Variants in LRRTM4 observed in about 807,000 individuals in gnomAD.
The protein encoded by LRRTM4 is leucine-rich repeat transmembrane neuronal protein 4.
Under a neutral mutation model 47.6 loss-of-function variants are expected in LRRTM4, and 25 were observed. The ratio of observed to expected loss-of-function variants is 0.53; its 90% CI spans 0.38 to 0.73. The LOEUF (loss-of-function observed/expected upper bound fraction) is 0.73, where lower values mean the gene tolerates loss of function less well. Among genes scored for constraint, LRRTM4 ranks in the 30% least tolerant of loss-of-function variants. The pLI is 0.00. For synonymous variants in LRRTM4, 311 were observed against 269.5 expected (o/e 1.15, Z -1.51); for missense variants, 638 against 713.4 (o/e 0.89, Z 1.20).
chr2:77,460,731 T>C (rs556795700), intron 3 of LRRTM4, among the ~76,000 whole-genome samples: 2 of 152,280 alleles, frequency 1.3e-5, no homozygotes, highest in African/African-American at 4.8e-5. Context: ...TAATTCATTT[T>C]GCATGTCTTA....
Position 76,974,151 on chromosome 2 carries a change from C to T in LRRTM4, c.1552-225235G>A, listed in dbSNP as rs1280521062. ...TTGCTCATATATATACATATATATA[C>T]ATACATATATATATATACATACATA... On this transcript the variant is annotated intron_variant, in intron 3 of 3. Coordinates refer to ENST00000409884, the MANE Select transcript of LRRTM4 (RefSeq NM_001134745.3). Among the ~76,000 whole-genome samples, 352 of 133,626 alleles carry T rather than the reference C, an allele frequency of 2.6e-3. 7 individuals are homozygous for T. Among genetic ancestry groups the T allele is most frequent in the Middle Eastern group, 8.1e-3 (2 of 246 alleles). 87.7% of individuals were successfully genotyped at this position (133,626 alleles called of 152,430 possible).
intron 3 of LRRTM4, among the ~76,000 whole-genome samples, chr2:76,925,041 G>A (rs945486856): frequency 9.9e-5 from 15 of 151,948 alleles, no homozygotes; most frequent in African/African-American, 2.2e-4. Context: ...ATGGAGAGTC[G>A]ATGGGCTGCC....
Position 77,010,437 on chromosome 2 carries a change from G to A in LRRTM4, c.1552-261521C>T, listed in dbSNP as rs539003262. Among the ~76,000 whole-genome samples, 5 of 150,158 alleles carry A rather than the reference G, an allele frequency of 3.3e-5. 1 individual carries two copies. The South Asian group carries it at 8.4e-4, about 25-fold the overall frequency. On this transcript the variant is annotated intron_variant, in intron 3 of 3. Transcript: ENST00000409884. The stretch of plus-strand genomic sequence containing the variant: ...CACTTAGCATAATGTCTTCCTGGTT[G>A]ATCCATGTTTTTTCATATGACAGAA...
chr2:77,439,142 A>G (rs1675731181), intron 3 of LRRTM4, among the ~76,000 whole-genome samples: 1 of 152,206 alleles, frequency 6.6e-6, no homozygotes, highest in Non-Finnish European at 1.5e-5. Flanking sequence ...AGCTGAAGAC[A>G]TTACCCTTTC....
chr2:77,491,925 A>G (rs1014374562), intron 3 of LRRTM4, among the ~76,000 whole-genome samples: 5 of 152,002 alleles, frequency 3.3e-5, no homozygotes, highest in Non-Finnish European at 5.9e-5. Context: ...AGGCAAGGCT[A>G]TACAGGTGAT....
intron 3 of LRRTM4, among the ~76,000 whole-genome samples, chr2:76,758,450 C>A (rs1673141465): frequency 6.6e-6 from 1 of 152,072 alleles, no homozygotes; most frequent in African/African-American, 2.4e-5. Context: ...AAATGATTAC[C>A]ATGAGTCTAA....
intron 3 of LRRTM4, among the ~76,000 whole-genome samples, chr2:77,095,302 T>A (rs939656212): frequency 6.6e-6 from 1 of 152,068 alleles, no homozygotes; most frequent in African/African-American, 2.4e-5. Flanking sequence ...ATCTTCTCGT[T>A]GAGAATGTAA....
chr2:76,765,894 G>A (rs900482308), intron 3 of LRRTM4, among the ~76,000 whole-genome samples: 11 of 152,202 alleles, frequency 7.2e-5, no homozygotes, highest in Non-Finnish European at 1.5e-4. Flanking sequence ...AGCTGATGAA[G>A]CATTTTGTGA....
chr2:76,916,791 A>G (rs1674267967), intron 3 of LRRTM4, among the ~76,000 whole-genome samples: 1 of 152,336 alleles, frequency 6.6e-6, no homozygotes, highest in South Asian at 2.1e-4. Context: ...TTTTAGAACT[A>G]TCTTTAATAT....
At chr2:77,169,341 A>T (rs1672981256) in intron 3 of LRRTM4, among the ~76,000 whole-genome samples, 1 of 152,128 alleles carries the variant, frequency 6.6e-6, no homozygotes, top group South Asian at 2.1e-4. Context: ...GAACATTTCT[A>T]TTTTTGAATT....
chr2:77,418,860 G>A (rs1008860128), intron 3 of LRRTM4, among the ~76,000 whole-genome samples: 3 of 151,976 alleles, frequency 2.0e-5, no homozygotes, highest in African/African-American at 7.2e-5. Flanking sequence ...CTTCTCCTCT[G>A]ACCAACTTTA....
chr2:77,511,019 C>T (rs943862124), intron 3 of LRRTM4, among the ~76,000 whole-genome samples: 1 of 151,946 alleles, frequency 6.6e-6, no homozygotes, highest in African/African-American at 2.4e-5. Context: ...TGTTTTTCCA[C>T]TTTTCTCTGA....
At chr2:76,925,378 AC>A (rs1238995373) in intron 3 of LRRTM4, among the ~76,000 whole-genome samples, 2 of 152,150 alleles carry the variant, frequency 1.3e-5, no homozygotes, top group Non-Finnish European at 2.9e-5. Flanking sequence ...CAAGCCTTTA[AC>A]AAAAATCACA....
chr2:77,292,760 A>G (rs1414467810), intron 3 of LRRTM4, among the ~76,000 whole-genome samples: 1 of 151,232 alleles, frequency 6.6e-6, no homozygotes, highest in African/African-American at 2.4e-5. Flanking sequence ...TGACGAGTTA[A>G]TGGGTGCAGC....
At chr2:77,057,002 G>A (rs1679630250) in intron 3 of LRRTM4, among the ~76,000 whole-genome samples, 1 of 152,168 alleles carries the variant, frequency 6.6e-6, no homozygotes, top group Non-Finnish European at 1.5e-5. Flanking sequence ...AAGTTTTATG[G>A]TAACATAGCC....
intron 3 of LRRTM4, among the ~76,000 whole-genome samples, chr2:77,002,544 C>T (rs1430208786): frequency 6.6e-6 from 1 of 152,114 alleles, no homozygotes; most frequent in South Asian, 2.1e-4. Flanking sequence ...ATCCCTATGT[C>T]CTTATTAGCC....
intron 3 of LRRTM4, among the ~76,000 whole-genome samples, chr2:77,206,175 T>G (rs1256346034): frequency 7.5e-6 from 1 of 133,552 alleles, no homozygotes; most frequent in African/African-American, 2.8e-5. Flanking sequence ...AATTTCAAAA[T>G]TCTATTTTTT....
At chr2:77,113,831 G>A (rs1450536562) in intron 3 of LRRTM4, among the ~76,000 whole-genome samples, 2 of 152,038 alleles carry the variant, frequency 1.3e-5, no homozygotes, top group African/African-American at 4.8e-5. Flanking sequence ...GTTTGGCCCC[G>A]GAGCCATTAG....
intron 3 of LRRTM4, among the ~76,000 whole-genome samples, chr2:77,478,666 T>C (rs1677531227): frequency 6.6e-6 from 1 of 152,116 alleles, no homozygotes; most frequent in Admixed American, 6.5e-5. Context: ...ACAATCTGGG[T>C]TTTCAAGTGA....
Sources: gnomAD v4.1 joint callset for allele counts (sites outside exome capture counted in the v4.1 genomes callset) on GRCh38, gnomAD v4.1.1 for gene constraint, MANE v1.5 for transcripts, NCBI Gene and HGNC (gene_info 2026-07-23, HGNC 2026-07-21) for gene names.